The following MAGT1 variants were observed in gnomAD, a reference collection of about 807,000 sequenced individuals.
MAGT1 encodes the protein dolichyl-diphosphooligosaccharide--protein glycosyltransferase subunit MAGT1.
MAGT1 carries 4 observed loss-of-function variants against 28.4 expected under a neutral mutation model. That is an observed-to-expected ratio of 0.14 (90% CI 0.07 to 0.32). The LOEUF is 0.32. Among genes scored for constraint, MAGT1 ranks in the 10% least tolerant of loss-of-function variants. The pLI, the probability that MAGT1 is intolerant of heterozygous loss-of-function variation, is 1.00. For synonymous variants in MAGT1, 89 were observed against 89.7 expected, an observed-to-expected ratio of 0.99 and a Z score of 0.04; for missense variants, 193 against 264.5, an observed-to-expected ratio of 0.73 and a Z score of 1.88.
At chrX:77,833,837 A>G (rs1362879516) in intron 8 of MAGT1, among the ~76,000 whole-genome samples, 3 of 111,698 alleles carry the variant, frequency 2.7e-5, no homozygotes, top group African/African-American at 9.7e-5. Flanking sequence ...ATCCTAAGCA[A>G]AAAGAACAAA....
intron 1 of MAGT1, among the ~76,000 whole-genome samples, chrX:77,883,655 C>T (rs1221469846): frequency 9.8e-6 from 1 of 101,915 alleles, no homozygotes; most frequent in African/African-American, 3.6e-5. Context: ...ACCTCCCAGG[C>T]TCTAGTGATT....
chrX:77,886,922 C>A, intron 1 of MAGT1, among the ~76,000 whole-genome samples: 1 of 111,568 alleles, frequency 9.0e-6, no homozygotes, highest in Non-Finnish European at 1.9e-5. Context: ...AAAAGCATGC[C>A]ATTTCTAATA....
At chrX:77,835,257 AAG>A (rs1225497295) in intron 8 of MAGT1, among the ~76,000 whole-genome samples, 2 of 111,348 alleles carry the variant, frequency 1.8e-5, no homozygotes, top group Non-Finnish European at 3.8e-5. Flanking sequence ...ACCGCAAAAA[AAG>A]AAAATATTTC....
intron 3 of MAGT1, among the ~76,000 whole-genome samples, chrX:77,865,175 G>A (rs952391030): frequency 1.1e-4 from 12 of 112,093 alleles, no homozygotes; most frequent in Non-Finnish European, 1.7e-4. Flanking sequence ...ACTGTAAAAT[G>A]GAAACATTAA....
chrX:77,888,474 TCTATAA>T lies in MAGT1; in HGVS notation c.102+6829_102+6834del, dbSNP rs1228083342. 3.6e-5 allele frequency among the ~76,000 whole-genome samples: 4 copies of T among 111,448 alleles called. No homozygotes were observed. In the Admixed American group the frequency reaches 3.9e-4, roughly 11 times the overall value. On this transcript the variant is annotated intron_variant, in intron 1 of 9. Transcript: ENST00000618282. ...TTGTAATAATCAAGTGTTATAGAAATCTATAACTATAAGAGATTAAGAGGACCAAGA... is the reference window on the plus strand; with the variant it reads ...TTGTAATAATCAAGTGTTATAGAAATCTATAAGAGATTAAGAGGACCAAGA...
chrX:77,856,530 C>A, intron 5 of MAGT1: 1 of 397,930 alleles, frequency 2.5e-6, no homozygotes, highest in South Asian at 4.5e-5. Context: ...AAGGCAGGTA[C>A]AATCAGTTCC....
chrX:77,875,438 C>T lies in MAGT1; in HGVS notation c.262G>A (p.Val88Ile). 1.7e-6 allele frequency: 2 copies of T among 1,208,963 alleles called. No individual in the cohort carries two copies. The highest frequency in any genetic ancestry group is 2.2e-6 in the Non-Finnish European group (2 of 894,451). Residue 88 changes from valine to isoleucine, a missense_variant, in exon 2 of 10, where the codon GTC becomes ATC. By Grantham distance (29) the Val-to-Ile change is conservative. Transcript: ENST00000618282. ...AGTTGGAGTTCATACTTGCAAACGACACACTGTCTATGCAGTTGGAGAGCA... is the reference window on the plus strand; with the variant it reads ...AGTTGGAGTTCATACTTGCAAACGATACACTGTCTATGCAGTTGGAGAGCA... ...FTALQLHRQCVVCKQADEEFQ... is the reference protein window; with the variant it reads ...FTALQLHRQCIVCKQADEEFQ...
At chrX:77,874,320 G>A (rs1472624285) in intron 2 of MAGT1, among the ~76,000 whole-genome samples, 5 of 106,047 alleles carry the variant, frequency 4.7e-5, no homozygotes, top group Admixed American at 2.0e-4. Flanking sequence ...ATTACCAGCT[G>A]GGTGTGGTGG....
At position 77,857,869 on chromosome X, in the gene MAGT1, T is replaced by C. The variant is rs140408591; in HGVS notation, c.391-372A>G. On this transcript the variant is annotated intron_variant, in intron 3 of 9. Coordinates refer to ENST00000618282, the MANE Select transcript of MAGT1 (RefSeq NM_001367916.1). ...CTGAGTAAGCTCCAAATAGAGTATATTCTCAATTTGGAGGAACCAAGATAA... is the reference window on the plus strand; with the variant it reads ...CTGAGTAAGCTCCAAATAGAGTATACTCTCAATTTGGAGGAACCAAGATAA... Among the ~76,000 whole-genome samples, 893 of 111,944 alleles carry C rather than the reference T, an allele frequency of 8.0e-3. 9 individuals are homozygous for C. The highest frequency in any genetic ancestry group is 0.027 in the African/African-American group (833 of 30,883).
intron 8 of MAGT1, among the ~76,000 whole-genome samples, chrX:77,834,526 G>T (rs1319254089): frequency 9.2e-6 from 1 of 108,597 alleles, no homozygotes; most frequent in Non-Finnish European, 1.9e-5. Context: ...TAGAGACAGG[G>T]TTTCACCATG....
chrX:77,858,975 C>T (rs955349735), intron 3 of MAGT1, among the ~76,000 whole-genome samples: 17 of 109,771 alleles, frequency 1.5e-4, no homozygotes, highest in Non-Finnish European at 1.3e-4. Context: ...TTTGGGAGGC[C>T]GAGGTGGGCA....
At chrX:77,857,218 T>C in intron 4 of MAGT1, 139 bp downstream of exon 4, 1 of 725,041 alleles carries the variant, frequency 1.4e-6, no homozygotes, top group Non-Finnish European at 2.2e-6. Flanking sequence ...ATCAAGATGA[T>C]TCTGTTTAAT....
chrX:77,849,984 A>G (rs2076962832), intron 7 of MAGT1, among the ~76,000 whole-genome samples: 1 of 111,834 alleles, frequency 8.9e-6, no homozygotes. Flanking sequence ...GTAATTTTAA[A>G]GGTTGCTTAG....
intron 9 of MAGT1, among the ~76,000 whole-genome samples, chrX:77,830,568 T>C (rs1345502167): frequency 9.1e-6 from 1 of 110,174 alleles, no homozygotes; most frequent in Non-Finnish European, 1.9e-5. Flanking sequence ...TGAGCCGAGA[T>C]TGCGCCATTG....
At chrX:77,831,079 G>A (rs1239553511) in intron 8 of MAGT1, among the ~76,000 whole-genome samples, 184 bp from the exon 9 acceptor site, 4 of 110,151 alleles carry the variant, frequency 3.6e-5, no homozygotes, top group African/African-American at 1.3e-4. Flanking sequence ...GTGCAGCGGC[G>A]CGATCTCGGC....
At chrX:77,831,204 A>G (rs1205667201) in intron 8 of MAGT1, among the ~76,000 whole-genome samples, 1 of 109,831 alleles carries the variant, frequency 9.1e-6, no homozygotes, top group African/African-American at 3.3e-5. Context: ...TTTTTAGTAG[A>G]GACGGGGTTT....
intron 8 of MAGT1, among the ~76,000 whole-genome samples, chrX:77,833,881 T>C (rs782574925): frequency 2.7e-5 from 3 of 111,337 alleles, no homozygotes; most frequent in South Asian, 7.5e-4. Flanking sequence ...CTTCAAATTA[T>C]ACTATAGAGT....
chrX:77,879,274 C>G (rs782637763), intron 1 of MAGT1, among the ~76,000 whole-genome samples: 30 of 111,502 alleles, frequency 2.7e-4, no homozygotes, highest in Non-Finnish European at 5.1e-4. Flanking sequence ...CCAGGCTGGT[C>G]TGGAACTCTT....
intron 7 of MAGT1, among the ~76,000 whole-genome samples, chrX:77,850,700 T>C (rs1173194993): frequency 9.0e-6 from 1 of 111,154 alleles, no homozygotes; most frequent in African/African-American, 3.3e-5. Context: ...TCCAAATGTA[T>C]ACTAAACCTT....
Sources: allele counts gnomAD v4.1 joint callset (sites outside exome capture counted in the v4.1 genomes callset), GRCh38; gene constraint gnomAD v4.1.1; transcripts MANE v1.5; gene names NCBI Gene and HGNC (gene_info 2026-07-23, HGNC 2026-07-21).